FBXL17: variants seen among roughly 807,000 people sequenced by gnomAD.
FBXL17 encodes the protein F-box/LRR-repeat protein 17.
In FBXL17, 22 loss-of-function variants were observed where a neutral mutation model predicts 66.2. That is an observed-to-expected ratio of 0.33 (90% CI 0.24 to 0.47). The LOEUF is 0.47. Among genes scored for constraint, FBXL17 ranks in the 20% least tolerant of loss-of-function variants. The probability of loss-of-function intolerance (pLI) is 1.00; values close to 1 mark genes in which losing one functional copy is unlikely to be tolerated. For missense variants in FBXL17, 878 were observed against 948.2 expected (o/e 0.93, Z 0.97); for synonymous variants, 474 against 400.5 (o/e 1.18, Z -2.19).
At chr5:108,116,869 G>A (rs1024935196) in intron 6 of FBXL17, among the ~76,000 whole-genome samples, 7 of 151,800 alleles carry the variant, frequency 4.6e-5, no homozygotes, top group African/African-American at 1.7e-4. Context: ...GGACTGAGAG[G>A]GTAATTCTCT....
intron 6 of FBXL17, among the ~76,000 whole-genome samples, chr5:108,086,149 T>C (rs1748962230): frequency 6.6e-6 from 1 of 152,158 alleles, no homozygotes; most frequent in Admixed American, 6.5e-5. Flanking sequence ...CCCTTGAAGA[T>C]CCTCATTCCA....
At chr5:108,173,359 T>G (rs757820441) in intron 6 of FBXL17, among the ~76,000 whole-genome samples, 11 of 152,094 alleles carry the variant, frequency 7.2e-5, no homozygotes, top group Non-Finnish European at 1.6e-4. Flanking sequence ...GTAACTAACC[T>G]GCACATTGTG....
chr5:108,136,794 T>C (rs1314855987), intron 6 of FBXL17, among the ~76,000 whole-genome samples: 1 of 152,178 alleles, frequency 6.6e-6, no homozygotes, highest in Non-Finnish European at 1.5e-5. Context: ...AAACCTCGTA[T>C]TTCTGTTAGT....
chr5:107,891,578 A>G (rs1360214175), intron 7 of FBXL17, among the ~76,000 whole-genome samples: 1 of 152,166 alleles, frequency 6.6e-6, no homozygotes, highest in Non-Finnish European at 1.5e-5. Context: ...TCAATTTTAA[A>G]GATAGGACCA....
chr5:108,149,804 T>C (rs554411991), intron 6 of FBXL17, among the ~76,000 whole-genome samples: 16 of 152,332 alleles, frequency 1.1e-4, no homozygotes, highest in Admixed American at 3.9e-4. Flanking sequence ...ATATGGCTTA[T>C]GTTTTTAAAA....
intron 8 of FBXL17, among the ~76,000 whole-genome samples, chr5:107,877,882 T>A (rs1748659357): frequency 6.6e-6 from 1 of 152,206 alleles, no homozygotes; most frequent in Non-Finnish European, 1.5e-5. Context: ...GATCACAGAC[T>A]GCCAGGAGAT....
chr5:108,228,506 G>C (rs1184871820), intron 4 of FBXL17, among the ~76,000 whole-genome samples: 1 of 152,068 alleles, frequency 6.6e-6, no homozygotes, highest in African/African-American at 2.4e-5. Context: ...CTATAATATG[G>C]AGAAAATTAC....
intron 4 of FBXL17, among the ~76,000 whole-genome samples, chr5:108,293,558 T>TA (rs1290088961): frequency 3.3e-5 from 5 of 152,274 alleles, no homozygotes; most frequent in African/African-American, 1.2e-4. Context: ...ATTGTAAGTC[T>TA]AAAATGAAGA....
intron 6 of FBXL17, among the ~76,000 whole-genome samples, chr5:108,049,102 C>G (rs189111806): frequency 7.9e-5 from 12 of 152,152 alleles, no homozygotes; most frequent in Admixed American, 1.3e-4. Flanking sequence ...GCAGACCTCT[C>G]AGGAGAAACC....
At chr5:108,022,628 T>G (rs143147706) in intron 6 of FBXL17, among the ~76,000 whole-genome samples, 65 of 152,238 alleles carry the variant, frequency 4.3e-4, no homozygotes, top group African/African-American at 1.5e-3. Flanking sequence ...CATGCTCTAT[T>G]TGAATAGTTC....
chr5:108,311,202 G>A (rs549896046), intron 4 of FBXL17, among the ~76,000 whole-genome samples: 18 of 151,160 alleles, frequency 1.2e-4, no homozygotes, highest in East Asian at 7.8e-4. Flanking sequence ...ATGGAGTCTC[G>A]CCGTTGTTAC....
chr5:107,888,108 CA>C (rs1470784595), intron 7 of FBXL17, among the ~76,000 whole-genome samples: 1 of 152,050 alleles, frequency 6.6e-6, no homozygotes, highest in Non-Finnish European at 1.5e-5. Context: ...GTACACTGAC[CA>C]CACTCTAAAA....
At chr5:107,982,028 G>C (rs185559375) in intron 7 of FBXL17, among the ~76,000 whole-genome samples, 3 of 152,096 alleles carry the variant, frequency 2.0e-5, no homozygotes, top group African/African-American at 7.2e-5. Flanking sequence ...AATATAATAC[G>C]GAGTCTCAAA....
At chr5:107,986,424 A>C (rs1753014741) in intron 7 of FBXL17, among the ~76,000 whole-genome samples, 1 of 151,738 alleles carries the variant, frequency 6.6e-6, no homozygotes, top group Admixed American at 6.6e-5. Flanking sequence ...AAATGTTAGA[A>C]CAACATAACA....
intron 7 of FBXL17, among the ~76,000 whole-genome samples, chr5:108,006,103 C>T (rs1162704849): frequency 1.3e-5 from 2 of 152,220 alleles, no homozygotes; most frequent in African/African-American, 2.4e-5. Context: ...TGAATCTAAA[C>T]TAAATGGGAG....
chr5:108,250,237 T>C (rs79749293), intron 4 of FBXL17, among the ~76,000 whole-genome samples: 1 of 152,128 alleles, frequency 6.6e-6, no homozygotes, highest in Admixed American at 6.6e-5. Flanking sequence ...GGCCAACGTC[T>C]CTTGGCATGC....
chr5:108,171,752 T>C (rs902982561), intron 6 of FBXL17, among the ~76,000 whole-genome samples: 2 of 152,172 alleles, frequency 1.3e-5, no homozygotes, highest in Admixed American at 6.6e-5. Flanking sequence ...TTGACTAAGA[T>C]TGGATAGTGA....
chr5:107,883,538 C>A (rs1260640901), intron 7 of FBXL17, among the ~76,000 whole-genome samples: 1 of 152,120 alleles, frequency 6.6e-6, no homozygotes, highest in African/African-American at 2.4e-5. Flanking sequence ...CAAGGCTTAC[C>A]CCCCATCTCT....
intron 6 of FBXL17, among the ~76,000 whole-genome samples, chr5:108,046,929 A>T (rs549909024): frequency 6.6e-6 from 1 of 152,320 alleles, no homozygotes. Flanking sequence ...CTTTCTGTTT[A>T]GAAAATTTCC....
Sources: allele counts gnomAD v4.1 joint callset (sites outside exome capture counted in the v4.1 genomes callset), GRCh38; gene constraint gnomAD v4.1.1; transcripts MANE v1.5; gene names NCBI Gene and HGNC (gene_info 2026-07-23, HGNC 2026-07-21).